Variants in PTPRD observed in about 807,000 individuals in gnomAD.
The protein encoded by PTPRD is receptor-type tyrosine-protein phosphatase delta.
In PTPRD, 34 loss-of-function variants were observed where a neutral mutation model predicts 214.5. The ratio of observed to expected loss-of-function variants is 0.16; its 90% CI spans 0.12 to 0.21. PTPRD has a LOEUF of 0.21. Among genes scored for constraint, PTPRD ranks in the 10% least tolerant of loss-of-function variants. The pLI is 1.00. For missense variants in PTPRD, 2,545 were observed against 2,398.7 expected (o/e 1.06, Z -1.27); for synonymous variants, 1,128 against 845.7 (o/e 1.33, Z -5.79).
At chr9:9,751,791 CTGT>C (rs2098522862) in intron 6 of PTPRD, among the ~76,000 whole-genome samples, 1 of 152,078 alleles carries the variant, frequency 6.6e-6, no homozygotes, top group Non-Finnish European at 1.5e-5. Context: ...TAATCAATGT[CTGT>C]TGTTTAAGCT....
chr9:9,818,960 T>A (rs1598699080), intron 5 of PTPRD, among the ~76,000 whole-genome samples: 1 of 151,592 alleles, frequency 6.6e-6, no homozygotes, highest in African/African-American at 2.4e-5. Context: ...TGTCTTTCAA[T>A]TATTTTATTG....
intron 3 of PTPRD, among the ~76,000 whole-genome samples, chr9:10,107,736 T>C (rs1366896130): frequency 6.6e-6 from 1 of 152,114 alleles, no homozygotes; most frequent in Non-Finnish European, 1.5e-5. Flanking sequence ...ATGTGCTAAA[T>C]AAACATTTGT....
At chr9:9,763,327 T>C (rs1040222273) in intron 6 of PTPRD, among the ~76,000 whole-genome samples, 2 of 152,156 alleles carry the variant, frequency 1.3e-5, no homozygotes, top group African/African-American at 4.8e-5. Context: ...CTGAACCCTG[T>C]CCCCTAACAA....
chr9:9,275,413 C>T lies in PTPRD; in HGVS notation c.-202-92050G>A, dbSNP rs1278952198. Among the ~76,000 whole-genome samples the T allele has an allele frequency of 2.7e-5, 4 of 149,998 alleles. No individual in the cohort carries two copies. In the East Asian group the frequency reaches 8.1e-4, roughly 30 times the overall value. ...AAAATGGCTCAGAGTCACCTGCATT[C>T]AGTGCAGAGGGGCTGTGAGATTGAA... On this transcript the variant is annotated intron_variant, in intron 9 of 45. Coordinates refer to ENST00000381196, the MANE Select transcript of PTPRD (RefSeq NM_002839.4).
chr9:10,170,913 C>A (rs2099199706), intron 3 of PTPRD, among the ~76,000 whole-genome samples: 1 of 152,066 alleles, frequency 6.6e-6, no homozygotes. Context: ...TTCAAGAACA[C>A]ACCCTCATTA....
chr9:8,885,334 G>C (rs1399320961), intron 11 of PTPRD, among the ~76,000 whole-genome samples: 1 of 151,960 alleles, frequency 6.6e-6, no homozygotes, highest in Non-Finnish European at 1.5e-5. Context: ...GATGTTTAGG[G>C]ATAAAACTGG....
At chr9:10,029,095 G>C (rs1179981214) in intron 4 of PTPRD, among the ~76,000 whole-genome samples, 2 of 152,200 alleles carry the variant, frequency 1.3e-5, no homozygotes, top group Non-Finnish European at 2.9e-5. Context: ...CCCAAGTCTT[G>C]GCAGCTTCCA....
intron 9 of PTPRD, among the ~76,000 whole-genome samples, chr9:9,304,475 C>G (rs1956471279): frequency 6.6e-6 from 1 of 151,920 alleles, no homozygotes; most frequent in South Asian, 2.1e-4. Context: ...CCTTAAGTAT[C>G]TGTTGATTTT....
chr9:8,948,466 TAC>T (rs5896289), intron 11 of PTPRD, among the ~76,000 whole-genome samples: 1,209 of 6,966 alleles, frequency 0.17, 254 homozygotes, highest in Middle Eastern at 0.25. Flanking sequence ...TATATATATT[TAC>T]ATATATATAT....
At chr9:10,286,213 G>A (rs1388119756) in intron 3 of PTPRD, among the ~76,000 whole-genome samples, 1 of 151,986 alleles carries the variant, frequency 6.6e-6, no homozygotes, top group Non-Finnish European at 1.5e-5. Context: ...AAAAATAATA[G>A]CAATATTGCT....
chr9:9,932,852 A>G (rs2087301876), intron 5 of PTPRD, among the ~76,000 whole-genome samples: 1 of 130,142 alleles, frequency 7.7e-6, no homozygotes, highest in Admixed American at 7.7e-5. Flanking sequence ...CCTCAAAGGG[A>G]AGCCCATCAG....
intron 3 of PTPRD, among the ~76,000 whole-genome samples, chr9:10,277,289 G>A (rs1595947722): frequency 6.7e-6 from 1 of 150,226 alleles, no homozygotes; most frequent in African/African-American, 2.4e-5. Context: ...TAAACAAACT[G>A]AACAATATAT....
At chr9:8,987,559 T>A (rs572321937) in intron 11 of PTPRD, among the ~76,000 whole-genome samples, 3 of 152,238 alleles carry the variant, frequency 2.0e-5, no homozygotes, top group South Asian at 4.1e-4. Flanking sequence ...TTTGATCACA[T>A]GATATGTGCC....
chr9:9,527,743 T>G (rs1250694758), intron 8 of PTPRD, among the ~76,000 whole-genome samples: 1 of 152,212 alleles, frequency 6.6e-6, no homozygotes, highest in Non-Finnish European at 1.5e-5. Flanking sequence ...TCAATTACTA[T>G]AGTTACAGAA....
chr9:9,366,881 A>G (rs1054441635), intron 9 of PTPRD, among the ~76,000 whole-genome samples: 6 of 151,340 alleles, frequency 4.0e-5, no homozygotes, highest in Non-Finnish European at 8.9e-5. Flanking sequence ...AGAGATACTG[A>G]CTTTTTTTTT....
At chr9:9,142,237 C>A (rs1387109769) in intron 10 of PTPRD, among the ~76,000 whole-genome samples, 8 of 152,156 alleles carry the variant, frequency 5.3e-5, no homozygotes, top group Non-Finnish European at 8.8e-5. Context: ...TGTGCTGGCG[C>A]CATCTCCAGA....
At chr9:9,922,004 T>G (rs930594103) in intron 5 of PTPRD, among the ~76,000 whole-genome samples, 4 of 152,066 alleles carry the variant, frequency 2.6e-5, no homozygotes, top group Non-Finnish European at 4.4e-5. Flanking sequence ...GTGCCATAAT[T>G]CAATAAATTG....
At chr9:8,570,562 T>C (rs1310630722) in intron 14 of PTPRD, among the ~76,000 whole-genome samples, 1 of 152,112 alleles carries the variant, frequency 6.6e-6, no homozygotes, top group African/African-American at 2.4e-5. Context: ...TAATAACAAA[T>C]ACATTTTTTT....
intron 2 of PTPRD, among the ~76,000 whole-genome samples, chr9:10,605,230 T>A (rs559144179): frequency 6.4e-4 from 97 of 151,990 alleles, no homozygotes; most frequent in Non-Finnish European, 1.1e-3. Context: ...TCTATTCTCT[T>A]TCCTGAGAAA....
Sources: gnomAD v4.1 joint callset for allele counts (sites outside exome capture counted in the v4.1 genomes callset) on GRCh38, gnomAD v4.1.1 for gene constraint, MANE v1.5 for transcripts, NCBI Gene and HGNC (gene_info 2026-07-23, HGNC 2026-07-21) for gene names.